The following SEC16A variants were observed in gnomAD, a reference collection of about 807,000 sequenced individuals.
SEC16A encodes the protein SEC16 homolog A, endoplasmic reticulum export factor.
SEC16A carries 110 observed loss-of-function variants against 221.9 expected under a neutral mutation model. The observed-to-expected ratio is 0.50, with a 90% CI of 0.42 to 0.58. SEC16A has a LOEUF of 0.58. Ranked by LOEUF, SEC16A falls within the 20% of genes least tolerant of loss-of-function variation. The pLI is 0.00. For synonymous variants in SEC16A, 1,393 were observed against 1,257.7 expected (o/e 1.11, Z -2.28); for missense variants, 3,165 against 3,097.8 (o/e 1.02, Z -0.52).
Position 136,459,601 on chromosome 9 carries a change from AGCGCTTGCAGAAGTCAAGGAC to A in SEC16A, c.5192-67_5192-47del. 2 of 1,477,998 alleles carry A rather than the reference AGCGCTTGCAGAAGTCAAGGAC, an allele frequency of 1.4e-6. No individual in the cohort carries two copies. Among genetic ancestry groups the A allele is most frequent in the Non-Finnish European group, 1.8e-6 (2 of 1,081,782 alleles). The allele number at this position is 1,477,998 out of a possible 1,614,324, so 91.6% of individuals were successfully genotyped here. A position where few individuals can be genotyped will look rare whatever the true frequency, so the allele number is the denominator to read the frequency against. ...ACACGGCGGGGGCTCAGCGACCGGG[AGCGCTTGCAGAAGTCAAGGAC>A]GCGCACAGAAGGCACCAGAGACGCC... On this transcript the variant is annotated intron_variant, in intron 15 of 31. Transcript: ENST00000684901. This position sits in a 1 kb window ranked among gnomAD's most constrained non-coding sequence, Gnocchi z 6.1.
chr9:136,470,065 T>A (rs1840658389), intron 4 of SEC16A, among the ~76,000 whole-genome samples: 2 of 152,210 alleles, frequency 1.3e-5, no homozygotes, highest in African/African-American at 4.8e-5. Context: ...CCTGCGGGGA[T>A]CTGACCACAC....
intron 30 of SEC16A, 34 bp downstream of exon 30, chr9:136,445,018 T>C (rs1329995429): frequency 2.5e-6 from 4 of 1,583,426 alleles, no homozygotes; most frequent in Non-Finnish European, 8.6e-7. Flanking sequence ...ACACGCCAGC[T>C]CTCATGTTAG....
intron 4 of SEC16A, among the ~76,000 whole-genome samples, chr9:136,470,097 AT>A (rs1840661919): frequency 1.3e-5 from 2 of 152,266 alleles, no homozygotes; most frequent in African/African-American, 4.8e-5. Flanking sequence ...AGTTGAGTCC[AT>A]GCCACGCACA....
At position 136,458,614 on chromosome 9, in the gene SEC16A, C is replaced by T. The variant is rs1259863258; in HGVS notation, c.5409+520G>A. ...CTGCACTCTAGTCTGGGTGACAGAG[C>T]GAGACTCGGTCTCAAAAAAAAAAAA... On this transcript the variant is annotated intron_variant, in intron 17 of 31. Coordinates refer to ENST00000684901, the MANE Select transcript of SEC16A (RefSeq NM_014866.2). Among the ~76,000 whole-genome samples the T allele has an allele frequency of 3.0e-5, 4 of 131,572 alleles. No homozygotes were observed. In the Admixed American group the frequency reaches 3.3e-4, roughly 11 times the overall value. 86.3% of individuals were successfully genotyped at this position (131,572 alleles called of 152,430 possible).
chr9:136,482,776 C>T (rs1026803559), intron 1 of SEC16A, among the ~76,000 whole-genome samples, 162 bp downstream of exon 1: 5 of 152,128 alleles, frequency 3.3e-5, no homozygotes, highest in Admixed American at 2.6e-4. Flanking sequence ...GACGTCTGTC[C>T]CCTCGACCGG....
In SEC16A at chr9:136,473,248, C is replaced by T. The variant is rs1841133380; in HGVS notation, c.3567+801G>A. On this transcript the variant is annotated intron_variant, in intron 3 of 31. Transcript: ENST00000684901. ...TGGTTCCAACTGGCCTTACATACCGCAAGACCATGGTTTTCCAATTCCCTA... is the reference window on the plus strand; with the variant it reads ...TGGTTCCAACTGGCCTTACATACCGTAAGACCATGGTTTTCCAATTCCCTA... 2.0e-5 allele frequency among the ~76,000 whole-genome samples: 3 copies of T among 152,260 alleles called. No individual in the cohort carries two copies. The South Asian group carries it at 6.2e-4, about 31-fold the overall frequency.
Position 136,475,464 on chromosome 9 carries a change from A to G in SEC16A, c.2152T>C (p.Cys718Arg). 6.2e-7 allele frequency: 1 copy of G among 1,607,988 alleles called. No homozygotes were observed. Among genetic ancestry groups the G allele is most frequent in the Non-Finnish European group, 8.5e-7 (1 of 1,176,340 alleles). ...CACAGAGTCGTTGCTGGGCTCTCAC[A>G]CTTCACGGGCCCCTGGGTCCTGGCT... is the stretch of plus-strand genomic sequence containing the variant. ...PSARTQGPVK[C>R]ESPATTLWAQ... Residue 718 changes from cysteine (C) to arginine (R), a missense_variant, in exon 3 of 32, where the codon TGT becomes CGT. Physicochemically the swap from Cys to Arg is radical, Grantham distance 180. Around this residue, in one of 3 missense-constraint regions of SEC16A, gnomAD observed 2,030 missense variants for 1,923.1 expected, o/e 1.06. Transcript: ENST00000684901. This position sits in a 1 kb window ranked among gnomAD's most constrained non-coding sequence, Gnocchi z 5.0.
Position 136,461,193 on chromosome 9 carries a change from C to G in SEC16A, c.4975G>C (p.Ala1659Pro). Residue 1659 changes from alanine (A) to proline (P), a missense_variant, in exon 13 of 32, where the codon GCC becomes CCC. Ala to Pro is a conservative substitution (Grantham distance 27). Coordinates refer to ENST00000684901, the MANE Select transcript of SEC16A (RefSeq NM_014866.2). The part of the protein sequence containing the change: ...LASKMDSRTH[A>P]RVMTRFANSL... ...GGACTGTACCTGGTCATGACTCGGGCGTGTGTCCGGCTGTCCATCTTACTT... is the reference window on the plus strand; with the variant it reads ...GGACTGTACCTGGTCATGACTCGGGGGTGTGTCCGGCTGTCCATCTTACTT... 6.2e-7 allele frequency: 1 copy of G among 1,606,046 alleles called. No homozygotes were observed. Among genetic ancestry groups the G allele is most frequent in the Non-Finnish European group, 8.5e-7 (1 of 1,176,486 alleles).
intron 5 of SEC16A, among the ~76,000 whole-genome samples, chr9:136,467,948 A>C (rs1434921934): frequency 1.3e-5 from 2 of 152,230 alleles, no homozygotes; most frequent in African/African-American, 4.8e-5. Context: ...GGGAGCACCC[A>C]GGTCGCTGCC....
In SEC16A at chr9:136,461,162, AC is replaced by A. The variant is rs768597837; in HGVS notation, c.4991+14del. The A allele has an allele frequency of 6.3e-7, 1 of 1,585,406 alleles. No homozygotes were observed. Among genetic ancestry groups the A allele is most frequent in the Admixed American group, 1.8e-5 (1 of 56,842 alleles). ...GCAGGGCTCGCCACTGGACCAGGCCACTGTGGGACTGTACCTGGTCATGACT... is the reference window on the plus strand; with the variant it reads ...GCAGGGCTCGCCACTGGACCAGGCCATGTGGGACTGTACCTGGTCATGACT... On this transcript the variant is annotated intron_variant, in intron 13 of 31. Coordinates refer to ENST00000684901, the MANE Select transcript of SEC16A (RefSeq NM_014866.2).
rs746064192 is a variant in SEC16A at position 136,474,062 on chromosome 9, G to C, written c.3554C>G (p.Ser1185Cys). The C allele has an allele frequency of 4.4e-6, 7 of 1,603,158 alleles. No homozygotes were observed. In the African/African-American group the frequency reaches 9.4e-5, roughly 21 times the overall value. The change falls in exon 3 of 32, where the codon TCC (serine) becomes TGC (cysteine). Residue 1185 changes from serine (S) to cysteine (C), a missense_variant. Physicochemically the swap from Ser to Cys is moderately radical, Grantham distance 112. Coordinates refer to ENST00000684901, the MANE Select transcript of SEC16A (RefSeq NM_014866.2). ...LPYPPEPGAA[S>C]LYYQDVYSLY... Reference sequence around the variant, plus strand: ...CTCGACTCTTACCTGGTAATAGAGGGAGGCTGCGCCAGGCTCCGGTGGGTA... The same window carrying C: ...CTCGACTCTTACCTGGTAATAGAGGCAGGCTGCGCCAGGCTCCGGTGGGTA...
intron 2 of SEC16A, among the ~76,000 whole-genome samples, 196 bp from the exon 3 acceptor site, chr9:136,477,880 G>C (rs557359788): frequency 1.3e-5 from 2 of 152,168 alleles, no homozygotes; most frequent in African/African-American, 2.4e-5. Context: ...GCAGGGGACA[G>C]AGTGAGAACC....
intron 30 of SEC16A, 54 bp downstream of exon 30, chr9:136,444,998 C>A: frequency 6.5e-7 from 1 of 1,527,690 alleles, no homozygotes. Flanking sequence ...TGCTCAGGAA[C>A]ACAGGCGGCA....
At chr9:136,483,103 C>G, upstream of SEC16A, 1 of 816,858 alleles carries the variant, frequency 1.2e-6, no homozygotes, top group Non-Finnish European at 1.5e-6. Context: ...AGCGCGCGCC[C>G]CGCCCCTGGC....
chr9:136,450,914 G>A (rs35288226), intron 23 of SEC16A, among the ~76,000 whole-genome samples: 36,705 of 152,090 alleles, frequency 0.24, 5,351 homozygotes, highest in Non-Finnish European at 0.34. Context: ...CAAAGTCCAC[G>A]GCTGGGAGAA....
intron 3 of SEC16A, 23 bp from the exon 4 acceptor site, chr9:136,472,134 A>G (rs2132735247): frequency 3.1e-6 from 5 of 1,612,746 alleles, no homozygotes; most frequent in Non-Finnish European, 4.2e-6. Context: ...GCATTTGGGC[A>G]GGATTAGACA....
rs1841795204 is a variant in SEC16A, at chr9:136,477,462, T to C, written c.154A>G (p.Thr52Ala). ...APTTCPLQPV[T>A]DPFAFSRQAL... Reference sequence around the variant, plus strand: ...TGTCTACTAAAAGCAAATGGATCCGTGACCGGCTGCAACGGGCAAGTTGTC... The same window carrying C: ...TGTCTACTAAAAGCAAATGGATCCGCGACCGGCTGCAACGGGCAAGTTGTC... Residue 52 changes from threonine (T) to alanine (A), a missense_variant, in exon 3 of 32, where the codon ACG becomes GCG. Physicochemically the swap from Thr to Ala is moderately conservative, Grantham distance 58. Transcript: ENST00000684901. 1 of 1,613,920 alleles carries C rather than the reference T, an allele frequency of 6.2e-7. No individual in the cohort carries two copies. The highest frequency in any genetic ancestry group is 1.1e-5 in the South Asian group (1 of 91,092).
intron 12 of SEC16A, among the ~76,000 whole-genome samples, chr9:136,462,593 C>A (rs1163825780): frequency 6.6e-6 from 1 of 152,236 alleles, no homozygotes; most frequent in African/African-American, 2.4e-5. Context: ...AGATTTGGCA[C>A]ACACAGCAGG....
chr9:136,478,671 A>G (rs1337394266), intron 2 of SEC16A, among the ~76,000 whole-genome samples, 38 bp downstream of exon 2: 2 of 151,714 alleles, frequency 1.3e-5, no homozygotes, highest in South Asian at 2.1e-4. Flanking sequence ...CCTTGTCTCT[A>G]CAAAAGAAGA....
Sources: gnomAD v4.1 joint callset for allele counts (sites outside exome capture counted in the v4.1 genomes callset) on GRCh38, gnomAD v4.1.1 for gene constraint, gnomAD v4.1.1 regional missense constraint, Gnocchi (gnomAD v3.1) non-coding constraint, MANE v1.5 for transcripts, NCBI Gene and HGNC (gene_info 2026-07-23, HGNC 2026-07-21) for gene names.